Variants in COL24A1 observed in about 807,000 individuals in gnomAD.
The protein encoded by COL24A1 is collagen type XXIV alpha 1 chain.
COL24A1 carries 224 observed loss-of-function variants against 253.9 expected under a neutral mutation model. That is an observed-to-expected ratio of 0.88 (90% CI 0.79 to 0.99). The LOEUF (loss-of-function observed/expected upper bound fraction) is 0.99. Ranked by LOEUF, COL24A1 falls within the 50% of genes least tolerant of loss-of-function variation. The pLI is 0.00. For synonymous variants in COL24A1, 685 were observed against 673.7 expected (o/e 1.02, Z -0.26); for missense variants, 2,131 against 2,068.5 (o/e 1.03, Z -0.59).
intron 2 of COL24A1, among the ~76,000 whole-genome samples, chr1:86,134,291 A>T (rs1039022818): frequency 1.3e-5 from 2 of 151,490 alleles, no homozygotes; most frequent in African/African-American, 4.8e-5. Flanking sequence ...TGATCTTTTC[A>T]AAAAACCAGC....
At chr1:86,011,487 T>G (rs549768199) in intron 19 of COL24A1, among the ~76,000 whole-genome samples, 7 of 152,232 alleles carry the variant, frequency 4.6e-5, no homozygotes. Flanking sequence ...CTTCTCCTAC[T>G]CTTATCTCAG....
At position 85,730,465 on chromosome 1, in the gene COL24A1, T is replaced by C. The variant is rs1663361844; in HGVS notation, c.*81A>G. The C allele has an allele frequency of 1.4e-6, 2 of 1,431,292 alleles. No homozygotes were observed. The highest frequency in any genetic ancestry group is 1.3e-5 in the South Asian group (1 of 76,376). 88.7% of individuals were successfully genotyped at this position (1,431,292 alleles called of 1,614,324 possible). ...ATGCTTTATTACATGCATTTCATAA[T>C]GACTGTATCTGTCTGTCTTATTTCT... On this transcript the variant is annotated 3_prime_UTR_variant, in exon 60 of 60. Transcript: ENST00000370571.
rs200896995 is a variant in COL24A1, at chr1:86,125,989, C to T, written c.347G>A (p.Arg116Gln). Residue 116 changes from arginine to glutamine, a missense_variant, in exon 3 of 60, where the codon CGG (arginine) becomes CAG (glutamine). Physicochemically the swap from Arg to Gln is conservative, Grantham distance 43. Transcript: ENST00000370571. ...FTILTGLQSH[R>Q]VNNAFLFSIR... ...GCTGAAGAGAAATGCATTGTTCACCCGATGTGACTGTAACCCAGTTAATAT... is the reference window on the plus strand; with the variant it reads ...GCTGAAGAGAAATGCATTGTTCACCTGATGTGACTGTAACCCAGTTAATAT... 79 of 1,613,362 alleles carry T rather than the reference C, an allele frequency of 4.9e-5. No homozygotes were observed. Among genetic ancestry groups the T allele is most frequent in the Middle Eastern group, 1.6e-4 (1 of 6,078 alleles).
intron 6 of COL24A1, among the ~76,000 whole-genome samples, chr1:86,091,703 T>A (rs924227910): frequency 6.6e-6 from 1 of 152,128 alleles, no homozygotes; most frequent in Admixed American, 6.5e-5. Context: ...AGTGTTAGGA[T>A]GAAATGAAAG....
At chr1:86,150,901 T>C (rs1192887119) in intron 1 of COL24A1, among the ~76,000 whole-genome samples, 1 of 152,180 alleles carries the variant, frequency 6.6e-6, no homozygotes, top group Non-Finnish European at 1.5e-5. Flanking sequence ...TATCATGTGA[T>C]GACATAATAC....
Position 85,896,361 on chromosome 1 carries a change from C to T in COL24A1, c.2827G>A (p.Ala943Thr), listed in dbSNP as rs1281218934. 1 of 1,613,058 alleles carries T rather than the reference C, an allele frequency of 6.2e-7. No individual in the cohort carries two copies. Among genetic ancestry groups the T allele is most frequent in the Admixed American group, 1.7e-5 (1 of 60,012 alleles). The change falls in exon 29 of 60, where the codon GCC (alanine) becomes ACC (threonine). Residue 943 changes from alanine to threonine, a missense_variant. Transcript: ENST00000370571. ...TGAGAAAAATCAATGATTACCTTGGCACCTTGTATACCTTGTTCCCCTAAG... is the reference window on the plus strand; with the variant it reads ...TGAGAAAAATCAATGATTACCTTGGTACCTTGTATACCTTGTTCCCCTAAG... ...GLLGEQGIQGAKGEKGDQGKR... is the reference protein window; with the variant it reads ...GLLGEQGIQGTKGEKGDQGKR...
At chr1:85,829,867 A>T (rs1433639402) in intron 43 of COL24A1, among the ~76,000 whole-genome samples, 1 of 151,972 alleles carries the variant, frequency 6.6e-6, no homozygotes, top group Non-Finnish European at 1.5e-5. Flanking sequence ...CTTTGGTTTG[A>T]ATTTCCTCCC....
chr1:85,896,134 C>G (rs1324587961), intron 29 of COL24A1, 69 bp from the exon 30 acceptor site: 3 of 1,456,084 alleles, frequency 2.1e-6, no homozygotes, highest in Non-Finnish European at 2.8e-6. Flanking sequence ...CTAGCATATG[C>G]TAGCATACAC....
At chr1:86,060,389 A>C (rs755611931) in intron 8 of COL24A1, among the ~76,000 whole-genome samples, 9 of 152,208 alleles carry the variant, frequency 5.9e-5, no homozygotes, top group Admixed American at 1.3e-4. Flanking sequence ...TTTGTTTATA[A>C]ATGATATAAT....
chr1:86,033,320 T>C (rs1383094682), intron 13 of COL24A1, among the ~76,000 whole-genome samples: 1 of 152,138 alleles, frequency 6.6e-6, no homozygotes, highest in African/African-American at 2.4e-5. Context: ...GGAATAGCTA[T>C]TGGATGGTTT....
chr1:85,779,896 A>G (rs1390288461), intron 52 of COL24A1, among the ~76,000 whole-genome samples: 1 of 152,170 alleles, frequency 6.6e-6, no homozygotes, highest in Non-Finnish European at 1.5e-5. Context: ...ATATGGAAAA[A>G]TTGATGTACA....
At chr1:85,843,252 G>C (rs952376478) in intron 39 of COL24A1, among the ~76,000 whole-genome samples, 3 of 152,024 alleles carry the variant, frequency 2.0e-5, no homozygotes, top group Non-Finnish European at 2.9e-5. Flanking sequence ...TAAATTCCCA[G>C]CTCTAAAAAT....
rs761692485 is a variant in COL24A1 at position 85,875,276 on chromosome 1, C to T, written c.3084+1G>A. On this transcript the variant is annotated splice_donor_variant, in intron 34 of 59. Transcript: ENST00000370571. LOFTEE classifies it high-confidence loss of function. ...TTCTCCTTTATTTTTTAGAAGGTTA[C>T]CTTTGCACCTGGTTCACCTTGCAGA... 2.5e-6 allele frequency: 4 copies of T among 1,613,260 alleles called. No homozygotes were observed. The highest frequency in any genetic ancestry group is 3.4e-6 in the Non-Finnish European group (4 of 1,179,372).
intron 24 of COL24A1, among the ~76,000 whole-genome samples, chr1:85,924,986 A>C (rs923280664): frequency 6.6e-5 from 10 of 152,232 alleles, no homozygotes. Flanking sequence ...TTAGGATACA[A>C]AATCAATGTG....
At chr1:85,878,189 AACC>A (rs1205509425) in intron 32 of COL24A1, among the ~76,000 whole-genome samples, 1 of 152,206 alleles carries the variant, frequency 6.6e-6, no homozygotes, top group Non-Finnish European at 1.5e-5. Context: ...ATAGCTTATA[AACC>A]ACACAAATTT....
At chr1:86,069,119 C>T (rs898064535) in intron 7 of COL24A1, among the ~76,000 whole-genome samples, 2 of 152,170 alleles carry the variant, frequency 1.3e-5, no homozygotes, top group Non-Finnish European at 2.9e-5. Flanking sequence ...TTTTGTCTTG[C>T]ACCCTATGTA....
At chr1:86,148,483 A>G (rs1419942065) in intron 1 of COL24A1, among the ~76,000 whole-genome samples, 5 of 151,886 alleles carry the variant, frequency 3.3e-5, no homozygotes, top group African/African-American at 7.3e-5. Context: ...ATATCTCCCA[A>G]TGCTATCCCT....
chr1:85,967,468 A>G (rs1189668977), intron 22 of COL24A1, among the ~76,000 whole-genome samples: 1 of 152,182 alleles, frequency 6.6e-6, no homozygotes, highest in African/African-American at 2.4e-5. Flanking sequence ...TATTGGGGCT[A>G]TTAGATTGGA....
At chr1:86,152,401 A>G (rs916473578) in intron 1 of COL24A1, among the ~76,000 whole-genome samples, 2 of 152,252 alleles carry the variant, frequency 1.3e-5, no homozygotes, top group African/African-American at 4.8e-5. Context: ...TAAAAATATT[A>G]TATAAAATTA....
Sources: gnomAD v4.1 joint callset for allele counts (sites outside exome capture counted in the v4.1 genomes callset) on GRCh38, gnomAD v4.1.1 for gene constraint, MANE v1.5 for transcripts, NCBI Gene and HGNC (gene_info 2026-07-23, HGNC 2026-07-21) for gene names.